DMD: variants seen among roughly 807,000 people sequenced by gnomAD.
DMD encodes the protein mutant dystrophin.
In DMD, 63 loss-of-function variants were observed where a neutral mutation model predicts 330.1. The observed-to-expected ratio is 0.19, with a 90% CI of 0.16 to 0.24. DMD has a LOEUF of 0.24. Among genes scored for constraint, DMD ranks in the 10% least tolerant of loss-of-function variants. The pLI, the probability that DMD is intolerant of heterozygous loss-of-function variation, is 1.00. For synonymous variants in DMD, 1,223 were observed against 959.8 expected (o/e 1.27, Z -5.07); for missense variants, 3,344 against 2,684.1 (o/e 1.25, Z -5.43).
chrX:32,294,419 G>A (rs746737434), intron 42 of DMD, among the ~76,000 whole-genome samples: 1 of 111,677 alleles, frequency 9.0e-6, no homozygotes, highest in Non-Finnish European at 1.9e-5. Context: ...TATGGTATGC[G>A]TGTGTTTGTG....
At chrX:32,684,465 T>C (rs1233336197) in intron 9 of DMD, among the ~76,000 whole-genome samples, 1 of 111,531 alleles carries the variant, frequency 9.0e-6, no homozygotes, top group Non-Finnish European at 1.9e-5. Context: ...TTTGAAAACC[T>C]GTTTTAACTA....
At chrX:32,068,374 A>AT (rs749610367) in intron 44 of DMD, among the ~76,000 whole-genome samples, 10,469 of 64,067 alleles carry the variant, frequency 0.16, 985 homozygotes, top group East Asian at 0.23. Flanking sequence ...CTTGCTTGTC[A>AT]TTTTTTTTTT....
intron 53 of DMD, among the ~76,000 whole-genome samples, chrX:31,675,462 A>G (rs967928141): frequency 8.9e-6 from 1 of 111,874 alleles, no homozygotes; most frequent in Non-Finnish European, 1.9e-5. Context: ...TCCCGGGTTC[A>G]AGCGATTCCC....
At chrX:32,787,019 C>A (rs192065500) in intron 7 of DMD, among the ~76,000 whole-genome samples, 54 of 111,524 alleles carry the variant, frequency 4.8e-4, no homozygotes, top group African/African-American at 1.5e-3. Context: ...GTCTGGGAAC[C>A]AATTCAACCA....
chrX:31,407,013 C>T (rs1175470644), intron 60 of DMD, among the ~76,000 whole-genome samples: 2 of 111,967 alleles, frequency 1.8e-5, no homozygotes, highest in African/African-American at 3.2e-5. Context: ...AAATCCATTA[C>T]ATTAAGTCAT....
chrX:31,799,376 C>A (rs2091964600), intron 50 of DMD, among the ~76,000 whole-genome samples: 1 of 111,498 alleles, frequency 9.0e-6, no homozygotes, highest in Non-Finnish European at 1.9e-5. Context: ...CACAGGGTGG[C>A]AGGAGGGAGA....
At chrX:31,370,538 C>T (rs2059500484) in intron 60 of DMD, among the ~76,000 whole-genome samples, 1 of 112,124 alleles carries the variant, frequency 8.9e-6, no homozygotes, top group Admixed American at 9.5e-5. Flanking sequence ...AATGACAACA[C>T]CAAATGTTGG....
chrX:32,487,522 A>G (rs1051071478), intron 20 of DMD, among the ~76,000 whole-genome samples: 1 of 110,394 alleles, frequency 9.1e-6, no homozygotes, highest in African/African-American at 3.3e-5. Flanking sequence ...GTGAAAAGGC[A>G]AAAAAAAAGT....
chrX:31,984,780 A>G (rs911949321), intron 44 of DMD, among the ~76,000 whole-genome samples: 2 of 112,449 alleles, frequency 1.8e-5, no homozygotes, highest in Non-Finnish European at 3.8e-5. Flanking sequence ...AATAAATAAT[A>G]TGAGCCAATC....
intron 29 of DMD, among the ~76,000 whole-genome samples, chrX:32,422,180 C>A (rs1448086719): frequency 1.8e-5 from 2 of 111,294 alleles, no homozygotes; most frequent in African/African-American, 6.5e-5. Flanking sequence ...TGGGAATGAA[C>A]CTGACACATA....
intron 60 of DMD, among the ~76,000 whole-genome samples, chrX:31,373,273 C>G (rs1292915260): frequency 9.4e-6 from 1 of 106,019 alleles, no homozygotes; most frequent in Non-Finnish European, 1.9e-5. Context: ...CAATGCCATC[C>G]CCATCAAGCT....
intron 53 of DMD, among the ~76,000 whole-genome samples, chrX:31,660,590 C>CT (rs1343295429): frequency 1.8e-5 from 2 of 111,357 alleles, no homozygotes; most frequent in Non-Finnish European, 3.8e-5. Context: ...ACTTGGTTAC[C>CT]TTTTTTTCAA....
At chrX:32,441,120 A>G (rs2098279978) in intron 28 of DMD, 60 bp downstream of exon 28, 2 of 1,134,281 alleles carry the variant, frequency 1.8e-6, no homozygotes, top group African/African-American at 3.6e-5. Flanking sequence ...TCTATTTGGT[A>G]CTTGACCTCT....
chrX:32,643,917 G>C (rs939707073), intron 11 of DMD, among the ~76,000 whole-genome samples: 5 of 111,711 alleles, frequency 4.5e-5, no homozygotes, highest in Admixed American at 3.8e-4. Context: ...TAGTTCTGTA[G>C]ATAACAGTGC....
At chrX:31,309,909 AT>A (rs1235138716) in intron 62 of DMD, among the ~76,000 whole-genome samples, 1 of 111,756 alleles carries the variant, frequency 8.9e-6, no homozygotes, top group African/African-American at 3.3e-5. Flanking sequence ...GCCACGACTC[AT>A]AAATCCAAAC....
chrX:32,421,707 A>G (rs946057810), intron 29 of DMD, among the ~76,000 whole-genome samples: 2 of 111,948 alleles, frequency 1.8e-5, no homozygotes, highest in South Asian at 3.7e-4. Context: ...GCATCTTCTC[A>G]TCGTCTATAG....
At chrX:32,627,131 G>A (rs1341627848) in intron 11 of DMD, among the ~76,000 whole-genome samples, 1 of 93,098 alleles carries the variant, frequency 1.1e-5, no homozygotes, top group South Asian at 5.1e-4. Context: ...GGTTGAGAAC[G>A]ATTGTGCCTC....
intron 29 of DMD, among the ~76,000 whole-genome samples, chrX:32,431,313 A>G (rs949940724): frequency 7.2e-5 from 8 of 111,604 alleles, no homozygotes; most frequent in African/African-American, 1.3e-4. Context: ...CATAGCCCTG[A>G]TGATTAATGA....
At chrX:31,242,262 CAAAAAAAAAAAA>C (rs72176984) in intron 63 of DMD, among the ~76,000 whole-genome samples, 34 of 24,647 alleles carry the variant, frequency 1.4e-3, no homozygotes, top group South Asian at 6.5e-3. Context: ...TCTCAAAAAG[CAAAAAAAAAAAA>C]AAAAAAAAAA....
Sources: gnomAD v4.1 joint callset for allele counts (sites outside exome capture counted in the v4.1 genomes callset) on GRCh38, gnomAD v4.1.1 for gene constraint, MANE v1.5 for transcripts, NCBI Gene and HGNC (gene_info 2026-07-23, HGNC 2026-07-21) for gene names.